Variants in ANXA2 observed in about 807,000 individuals in gnomAD.
ANXA2 encodes annexin A2.
A neutral mutation model predicts 47.3 loss-of-function variants in ANXA2; 28 were observed. The ratio of observed to expected loss-of-function variants is 0.59; its 90% CI spans 0.44 to 0.81. The LOEUF is 0.81. Among genes scored for constraint, ANXA2 ranks in the 40% least tolerant of loss-of-function variants. The pLI is 0.00. For synonymous variants in ANXA2, 172 were observed against 155.5 expected, an observed-to-expected ratio of 1.11 and a Z score of -0.79; for missense variants, 384 against 414.3, an observed-to-expected ratio of 0.93 and a Z score of 0.64.
At position 60,386,098 on chromosome 15, in the gene ANXA2, GTAC is replaced by G. The variant is rs747020252; in HGVS notation, c.-11-15_-11-13del. ...CATTTTGAAGGAAGCTGGAAAAAAA[GTAC>G]AACAAAAAGTCTTTATGAAGAGGCT... On this transcript the variant is annotated splice_polypyrimidine_tract_variant and intron_variant, in intron 1 of 12. Coordinates refer to ENST00000451270, the MANE Select transcript of ANXA2 (RefSeq NM_004039.3). 246 of 1,605,236 alleles carry G rather than the reference GTAC, an allele frequency of 1.5e-4. 1 individual carries two copies. Among genetic ancestry groups the G allele is most frequent in the Non-Finnish European group, 1.9e-4 (225 of 1,173,168 alleles).
chr15:60,374,735 G>A (rs1469180747), intron 3 of ANXA2: 3 of 455,886 alleles, frequency 6.6e-6, no homozygotes, highest in African/African-American at 6.0e-5. Context: ...TGCTGGCAGA[G>A]TCACAGGGTG....
chr15:60,389,038 C>T (rs756505532), intron 1 of ANXA2, among the ~76,000 whole-genome samples: 7 of 152,028 alleles, frequency 4.6e-5, no homozygotes, highest in African/African-American at 4.8e-5. Context: ...TCCCTCAGCC[C>T]GAGAATTACC....
At chr15:60,354,858 T>C (rs939230095) in intron 7 of ANXA2, among the ~76,000 whole-genome samples, 6 of 152,060 alleles carry the variant, frequency 3.9e-5, no homozygotes, top group African/African-American at 9.7e-5. Flanking sequence ...TGGAGGAATA[T>C]GTGGAAACAA....
chr15:60,377,066 C>T (rs1316807546), intron 3 of ANXA2, among the ~76,000 whole-genome samples: 3 of 152,218 alleles, frequency 2.0e-5, no homozygotes, highest in African/African-American at 7.2e-5. Context: ...TATACCGTGT[C>T]CTTTGATGTC....
At chr15:60,351,449 C>A (rs1324587242) in intron 10 of ANXA2, 198 bp from the exon 11 acceptor site, 15 of 638,146 alleles carry the variant, frequency 2.4e-5, no homozygotes, top group Middle Eastern at 4.2e-4. Context: ...AACCAGGGGT[C>A]TCTGAGGCCT....
rs189166809 is a variant in ANXA2 at position 60,355,428 on chromosome 15, T to C, written c.528+491A>G. The C allele has an allele frequency of 4.7e-5, 11 of 235,454 alleles. No homozygotes were observed. The East Asian group carries it at 1.3e-3, about 27-fold the overall frequency. The allele number at this position is 235,454 out of a possible 1,614,324, so 14.6% of individuals were successfully genotyped here. ...TATTAAGCTACACGCTGGCCAGAACTAGGGATTCACAGGGGAAATGCCCCT... is the reference window on the plus strand; with the variant it reads ...TATTAAGCTACACGCTGGCCAGAACCAGGGATTCACAGGGGAAATGCCCCT... On this transcript the variant is annotated intron_variant, in intron 7 of 12. Coordinates refer to ENST00000451270, the MANE Select transcript of ANXA2 (RefSeq NM_004039.3).
At chr15:60,397,224 A>G (rs1595716599) in intron 1 of ANXA2, 2 of 960,698 alleles carry the variant, frequency 2.1e-6, no homozygotes, top group East Asian at 1.2e-4. Flanking sequence ...GAGTAACAGG[A>G]CAACCCTCCC....
At chr15:60,351,644 T>G in intron 10 of ANXA2, 80 bp downstream of exon 10, 3 of 908,188 alleles carry the variant, frequency 3.3e-6, no homozygotes, top group Non-Finnish European at 5.5e-6. Flanking sequence ...CCCAAACACA[T>G]TTGGATTAAC....
intron 3 of ANXA2, among the ~76,000 whole-genome samples, chr15:60,382,140 G>A (rs1319353706): frequency 6.6e-6 from 1 of 151,180 alleles, no homozygotes; most frequent in Admixed American, 6.6e-5. Flanking sequence ...GGAGAAGGGA[G>A]GGAAGGAGAA....
intron 1 of ANXA2, chr15:60,386,294 C>T (rs1304987405): frequency 1.1e-5 from 6 of 536,656 alleles, no homozygotes. Context: ...GACTACTAAA[C>T]TAGCCAGTCT....
At chr15:60,382,579 A>G (rs2062877777) in intron 2 of ANXA2, 138 bp from the exon 3 acceptor site, 1 of 586,538 alleles carries the variant, frequency 1.7e-6, no homozygotes, top group Non-Finnish European at 3.0e-6. Context: ...GGTAGGTATT[A>G]ACACACCATC....
chr15:60,347,273 A>G lies in ANXA2; in HGVS notation c.*357T>C. The G allele has an allele frequency of 3.5e-6, 1 of 282,784 alleles. No homozygotes were observed. The highest frequency in any genetic ancestry group is 6.7e-6 in the Non-Finnish European group (1 of 148,618). 17.5% of individuals were successfully genotyped at this position (282,784 alleles called of 1,614,324 possible). The stretch of plus-strand genomic sequence containing the variant: ...CTACAGGGACAGCCTCACCAGCTGA[A>G]CCCCAAGCACGTTTAATTTTCAAAC... On this transcript the variant is annotated 3_prime_UTR_variant, in exon 13 of 13. Transcript: ENST00000451270.
chr15:60,356,475 G>A (rs2062432232), intron 6 of ANXA2, among the ~76,000 whole-genome samples: 1 of 151,794 alleles, frequency 6.6e-6, no homozygotes, highest in Non-Finnish European at 1.5e-5. Flanking sequence ...CATCTATATT[G>A]AAATACAGTA....
intron 5 of ANXA2, among the ~76,000 whole-genome samples, chr15:60,360,305 A>G (rs981057272): frequency 6.6e-6 from 1 of 152,222 alleles, no homozygotes; most frequent in Non-Finnish European, 1.5e-5. Context: ...AAGTATGCAC[A>G]AAGTTCAGGA....
intron 4 of ANXA2, 92 bp downstream of exon 4, chr15:60,364,337 C>G: frequency 3.0e-6 from 3 of 992,706 alleles, no homozygotes; most frequent in Non-Finnish European, 3.1e-6. Context: ...GTCTTTTGCG[C>G]ATGAGAGCCA....
intron 3 of ANXA2, among the ~76,000 whole-genome samples, chr15:60,366,186 T>C (rs2062596912): frequency 6.9e-6 from 1 of 145,906 alleles, no homozygotes; most frequent in African/African-American, 2.6e-5. Context: ...AGTGGCGTGA[T>C]CTCGGCTCGC....
chr15:60,391,418 G>A (rs2063008615), intron 1 of ANXA2: 1 of 152,274 alleles, frequency 6.6e-6, no homozygotes, highest in African/African-American at 2.4e-5. Context: ...GAGGGGAAGA[G>A]GAATAATGCC....
At chr15:60,369,521 C>T (rs1472248622) in intron 3 of ANXA2, among the ~76,000 whole-genome samples, 1 of 152,196 alleles carries the variant, frequency 6.6e-6, no homozygotes, top group African/African-American at 2.4e-5. Context: ...AGAACAGTGA[C>T]CCATAAAAAA....
At chr15:60,385,108 C>T (rs1051820671) in intron 2 of ANXA2, among the ~76,000 whole-genome samples, 10 of 152,188 alleles carry the variant, frequency 6.6e-5, no homozygotes, top group African/African-American at 1.7e-4. Context: ...TCTAGGTTCA[C>T]ATATTTCCTA....
Sources: allele counts gnomAD v4.1 joint callset (sites outside exome capture counted in the v4.1 genomes callset), GRCh38; gene constraint gnomAD v4.1.1; transcripts MANE v1.5; gene names NCBI Gene and HGNC (gene_info 2026-07-23, HGNC 2026-07-21).